The following CAST variants were observed in gnomAD, a reference collection of about 807,000 sequenced individuals.
CAST encodes calpastatin.
A neutral mutation model predicts 119.6 loss-of-function variants in CAST; 76 were observed. The ratio of observed to expected loss-of-function variants is 0.64; its 90% confidence interval spans 0.53 to 0.77. The LOEUF (loss-of-function observed/expected upper bound fraction) is 0.77. CAST is among the 30% of genes least tolerant of loss of function. The probability of loss-of-function intolerance (pLI) is 0.00; values close to 1 mark genes in which losing one functional copy is unlikely to be tolerated. For missense variants in CAST, 953 were observed against 946.5 expected, an observed-to-expected ratio of 1.01 and a Z score of -0.09; for synonymous variants, 319 against 331.6, an observed-to-expected ratio of 0.96 and a Z score of 0.41.
the CAST span, among the ~76,000 whole-genome samples, chr5:96,089,259 G>T: frequency 1.3e-5 from 2 of 151,874 alleles, no homozygotes; most frequent in East Asian, 3.9e-4. Context: ...ATATTTCGAG[G>T]ATTATAAACC....
the CAST span, among the ~76,000 whole-genome samples, chr5:96,021,595 G>C: frequency 6.6e-6 from 1 of 151,550 alleles, no homozygotes; most frequent in East Asian, 1.9e-4. Context: ...ACAGGCGCCC[G>C]CCACCACGCC....
At chr5:96,688,904 G>A (rs142231608) in intron 2 of CAST, among the ~76,000 whole-genome samples, 2 of 152,110 alleles carry the variant, frequency 1.3e-5, no homozygotes, top group Non-Finnish European at 2.9e-5. Flanking sequence ...GAAGTGCTGT[G>A]TATTTGAGAT....
the CAST span, among the ~76,000 whole-genome samples, chr5:96,284,958 A>G: frequency 6.6e-6 from 1 of 152,244 alleles, no homozygotes; most frequent in African/African-American, 2.4e-5. Flanking sequence ...AAATAACACT[A>G]GAAGGGGACT....
chr5:96,380,100 C>T, the CAST span, among the ~76,000 whole-genome samples: 1 of 152,136 alleles, frequency 6.6e-6, no homozygotes. Flanking sequence ...CCTGGAAGTC[C>T]TGATATCTTT....
At chr5:96,117,579 T>C in the CAST span, among the ~76,000 whole-genome samples, 1 of 152,212 alleles carries the variant, frequency 6.6e-6, no homozygotes, top group Non-Finnish European at 1.5e-5. Context: ...ATGGTAGATA[T>C]GAACTTCAGG....
chr5:96,726,988 C>T (rs1759371434), intron 5 of CAST, 129 bp downstream of exon 5: 2 of 657,920 alleles, frequency 3.0e-6, no homozygotes, highest in Non-Finnish European at 5.3e-6. Context: ...TTTCTGTAGG[C>T]TTAGCTGCCC....
the CAST span, among the ~76,000 whole-genome samples, chr5:96,417,856 C>A: frequency 6.6e-6 from 1 of 152,146 alleles, no homozygotes; most frequent in Non-Finnish European, 1.5e-5. Context: ...ACGCTCTTTG[C>A]CTTAGTAGAA....
chr5:96,410,820 G>A, the CAST span: 3 of 1,614,030 alleles, frequency 1.9e-6, no homozygotes, highest in African/African-American at 4.0e-5. Context: ...GGTGGCCAGT[G>A]TGGAGGAGCA....
chr5:96,484,321 T>C, the CAST span, among the ~76,000 whole-genome samples: 13 of 152,206 alleles, frequency 8.5e-5, no homozygotes, highest in Non-Finnish European at 8.8e-5. Flanking sequence ...AATGATTTCA[T>C]ATGACTAGAT....
the CAST span, among the ~76,000 whole-genome samples, chr5:96,075,736 T>C: frequency 6.6e-6 from 1 of 152,328 alleles, no homozygotes; most frequent in East Asian, 1.9e-4. Flanking sequence ...GGAAGGATCA[T>C]TTTTAAGCTT....
chr5:96,291,311 A>G, the CAST span, among the ~76,000 whole-genome samples: 2 of 152,220 alleles, frequency 1.3e-5, no homozygotes, highest in Admixed American at 1.3e-4. Flanking sequence ...GCTAATACAC[A>G]AGCATATAAG....
At chr5:96,735,111 T>C (rs1440530216) in intron 9 of CAST, among the ~76,000 whole-genome samples, 1 of 152,226 alleles carries the variant, frequency 6.6e-6, no homozygotes, top group Admixed American at 6.5e-5. Flanking sequence ...CCACAGTGTT[T>C]CTAGCATTGC....
chr5:96,070,771 T>C, the CAST span, among the ~76,000 whole-genome samples: 1 of 152,130 alleles, frequency 6.6e-6, no homozygotes, highest in African/African-American at 2.4e-5. Context: ...ACTAGAGATA[T>C]AAATTTCGTA....
chr5:96,627,552 G>A (rs1280816130), intron 1 of CAST, among the ~76,000 whole-genome samples: 1 of 152,116 alleles, frequency 6.6e-6, no homozygotes, highest in Non-Finnish European at 1.5e-5. Flanking sequence ...AAAAATTTGG[G>A]ATCCACCTTG....
intron 24 of CAST, chr5:96,761,392 C>A (rs1302558880): frequency 6.6e-6 from 1 of 152,082 alleles, no homozygotes; most frequent in Non-Finnish European, 1.5e-5. Flanking sequence ...TCTAAAACGG[C>A]TTTACAGGGT....
chr5:96,215,811 A>G, the CAST span, among the ~76,000 whole-genome samples: 1 of 151,998 alleles, frequency 6.6e-6, no homozygotes, highest in Non-Finnish European at 1.5e-5. Context: ...ATTTTCATTT[A>G]TTTATGTATT....
At chr5:96,146,994 A>G in the CAST span, among the ~76,000 whole-genome samples, 3 of 152,186 alleles carry the variant, frequency 2.0e-5, no homozygotes, top group African/African-American at 7.2e-5. Context: ...TTAAGTGCAA[A>G]GGAAGCTGGG....
At chr5:96,391,269 A>G in the CAST span, 1 of 152,238 alleles carries the variant, frequency 6.6e-6, no homozygotes, top group Non-Finnish European at 1.5e-5. Flanking sequence ...GTTACCAACC[A>G]TACTTCAAGC....
the CAST span, among the ~76,000 whole-genome samples, chr5:96,367,362 G>A: frequency 7.2e-5 from 11 of 152,222 alleles, no homozygotes; most frequent in Admixed American, 3.9e-4. Context: ...GTCAGACAGG[G>A]ACATTTAAGT....
Sources: gnomAD v4.1 joint callset for allele counts (sites outside exome capture counted in the v4.1 genomes callset) on GRCh38, gnomAD v4.1.1 for gene constraint, MANE v1.5 for transcripts, NCBI Gene and HGNC (gene_info 2026-07-23, HGNC 2026-07-21) for gene names.